PACRG: variants seen among roughly 807,000 people sequenced by gnomAD.
PACRG encodes the protein parkin coregulated.
In PACRG, 29 loss-of-function variants were observed where a neutral mutation model predicts 29.7. The observed-to-expected ratio is 0.98, with a 90% CI of 0.73 to 1.33. The LOEUF is 1.33. PACRG is among the 40% of genes most tolerant of loss of function. PACRG has a pLI of 0.00. For missense variants in PACRG, 279 were observed against 316.2 expected (o/e 0.88, Z 0.89); for synonymous variants, 116 against 118.7 (o/e 0.98, Z 0.15).
At chr6:163,266,547 AAG>A (rs1783533111) in intron 4 of PACRG, among the ~76,000 whole-genome samples, 1 of 152,192 alleles carries the variant, frequency 6.6e-6, no homozygotes, top group African/African-American at 2.4e-5. Flanking sequence ...TCTTGGGTCT[AAG>A]AGAGCTTTCT....
chr6:163,287,460 C>G (rs1784440858), intron 4 of PACRG, among the ~76,000 whole-genome samples: 1 of 152,218 alleles, frequency 6.6e-6, no homozygotes, highest in Non-Finnish European at 1.5e-5. Context: ...CACGGCCATG[C>G]TCACCTCCTC....
chr6:162,951,804 AG>A (rs1024694498), intron 2 of PACRG, among the ~76,000 whole-genome samples: 1 of 152,204 alleles, frequency 6.6e-6, no homozygotes, highest in Non-Finnish European at 1.5e-5. Flanking sequence ...GTTTTTTAAA[AG>A]GGCCAGTCTG....
intron 4 of PACRG, among the ~76,000 whole-genome samples, chr6:163,311,689 T>TA (rs2128193949): frequency 6.6e-6 from 1 of 152,322 alleles, no homozygotes; most frequent in Admixed American, 6.5e-5. Flanking sequence ...CAACCACAAA[T>TA]ATTCCAACTC....
intron 4 of PACRG, among the ~76,000 whole-genome samples, chr6:163,099,672 G>A (rs142574154): frequency 2.0e-5 from 3 of 152,284 alleles, no homozygotes; most frequent in Non-Finnish European, 4.4e-5. Flanking sequence ...TGTGGACATT[G>A]CAGAGAAAGT....
chr6:163,143,994 G>A (rs973207993), intron 4 of PACRG, among the ~76,000 whole-genome samples: 2 of 152,042 alleles, frequency 1.3e-5, no homozygotes, highest in Non-Finnish European at 2.9e-5. Flanking sequence ...TAGCACTTTG[G>A]GAGGCCGAGG....
chr6:162,889,265 C>A (rs1794588977), intron 2 of PACRG, among the ~76,000 whole-genome samples: 1 of 152,126 alleles, frequency 6.6e-6, no homozygotes, highest in Admixed American at 6.5e-5. Flanking sequence ...ACATTTTCTA[C>A]ATCACTGATC....
At chr6:162,990,044 C>T (rs1803299028) in intron 2 of PACRG, among the ~76,000 whole-genome samples, 1 of 150,078 alleles carries the variant, frequency 6.7e-6, no homozygotes, top group South Asian at 2.1e-4. Flanking sequence ...CAATTTCATC[C>T]ATGTCCCTAC....
chr6:163,143,269 C>G (rs904975737), intron 4 of PACRG, among the ~76,000 whole-genome samples: 2 of 152,102 alleles, frequency 1.3e-5, no homozygotes, highest in African/African-American at 4.8e-5. Flanking sequence ...TAAAACACCT[C>G]AACAGCTACT....
At chr6:162,898,521 G>T (rs558654845) in intron 2 of PACRG, among the ~76,000 whole-genome samples, 1 of 152,290 alleles carries the variant, frequency 6.6e-6, no homozygotes, top group Non-Finnish European at 1.5e-5. Flanking sequence ...AAGTGCTGTG[G>T]TGATTATGAA....
chr6:163,230,392 T>C (rs1034011106), intron 4 of PACRG, among the ~76,000 whole-genome samples: 2 of 152,200 alleles, frequency 1.3e-5, no homozygotes, highest in Admixed American at 6.5e-5. Context: ...TAATAAAATA[T>C]TCACTATTTA....
intron 1 of PACRG, among the ~76,000 whole-genome samples, chr6:162,766,829 T>A (rs915646622): frequency 6.6e-6 from 1 of 152,132 alleles, no homozygotes; most frequent in Non-Finnish European, 1.5e-5. Context: ...AACTCAGTAG[T>A]TTTTCTTTTC....
intron 2 of PACRG, among the ~76,000 whole-genome samples, chr6:162,982,188 T>C (rs1162438512): frequency 2.0e-5 from 3 of 152,042 alleles, no homozygotes; most frequent in Non-Finnish European, 4.4e-5. Context: ...CTGTCTTCTT[T>C]TCTTCTTGGT....
At chr6:162,871,381 C>A (rs945922244) in intron 2 of PACRG, among the ~76,000 whole-genome samples, 8 of 152,210 alleles carry the variant, frequency 5.3e-5, no homozygotes, top group African/African-American at 1.9e-4. Flanking sequence ...AGGGTTGATA[C>A]TATTCTGAGT....
intron 2 of PACRG, among the ~76,000 whole-genome samples, chr6:162,821,479 A>C (rs1475071277): frequency 6.6e-6 from 1 of 152,194 alleles, no homozygotes; most frequent in Non-Finnish European, 1.5e-5. Flanking sequence ...AACTAGAAGA[A>C]AAACAAATCA....
At chr6:162,918,817 C>T (rs955792849) in intron 2 of PACRG, among the ~76,000 whole-genome samples, 1 of 152,088 alleles carries the variant, frequency 6.6e-6, no homozygotes, top group African/African-American at 2.4e-5. Flanking sequence ...AATATAAAGT[C>T]ATTTTCTAAG....
At chr6:162,952,652 A>G (rs1488515967) in intron 2 of PACRG, among the ~76,000 whole-genome samples, 1 of 152,158 alleles carries the variant, frequency 6.6e-6, no homozygotes, top group South Asian at 2.1e-4. Flanking sequence ...TGAACTAACA[A>G]CCACACTAAA....
At chr6:162,921,810 C>T (rs1797084919) in intron 2 of PACRG, among the ~76,000 whole-genome samples, 1 of 151,844 alleles carries the variant, frequency 6.6e-6, no homozygotes, top group East Asian at 1.9e-4. Context: ...ACTGATTTAG[C>T]CAAAAAAGAG....
At chr6:162,730,737 C>G (rs1380354125) in intron 1 of PACRG, among the ~76,000 whole-genome samples, 1 of 152,102 alleles carries the variant, frequency 6.6e-6, no homozygotes, top group East Asian at 1.9e-4. Flanking sequence ...GACTTTCTTT[C>G]CATGAAATTT....
At chr6:163,006,155 T>C (rs895203078) in intron 2 of PACRG, among the ~76,000 whole-genome samples, 8 of 138,626 alleles carry the variant, frequency 5.8e-5, no homozygotes, top group African/African-American at 2.2e-4. Context: ...ATATAATATA[T>C]TATATATAAT....
Sources: gnomAD v4.1 joint callset for allele counts (sites outside exome capture counted in the v4.1 genomes callset) on GRCh38, gnomAD v4.1.1 for gene constraint, MANE v1.5 for transcripts, NCBI Gene and HGNC (gene_info 2026-07-23, HGNC 2026-07-21) for gene names.